The following ADGRL2 variants were observed in gnomAD, a reference collection of about 807,000 sequenced individuals.
ADGRL2 encodes the protein calcium-independent alpha-latrotoxin receptor 2.
ADGRL2 carries 44 observed loss-of-function variants against 157.4 expected under a neutral mutation model. The observed-to-expected ratio is 0.28, with a 90% CI of 0.22 to 0.36. The LOEUF is 0.36. Among genes scored for constraint, ADGRL2 ranks in the 10% least tolerant of loss-of-function variants. The pLI, the probability that ADGRL2 is intolerant of heterozygous loss-of-function variation, is 1.00. For synonymous variants in ADGRL2, 585 were observed against 624.7 expected (o/e 0.94, Z 0.95); for missense variants, 1,510 against 1,768.9 (o/e 0.85, Z 2.63).
At chr1:81,768,236 A>G (rs2086212741) in intron 2 of ADGRL2, among the ~76,000 whole-genome samples, 1 of 151,956 alleles carries the variant, frequency 6.6e-6, no homozygotes, top group Non-Finnish European at 1.5e-5. Context: ...TTGTGTAGAC[A>G]GGGGTCTCAC....
intron 2 of ADGRL2, among the ~76,000 whole-genome samples, chr1:81,905,811 C>A (rs747004336): frequency 6.6e-6 from 1 of 152,074 alleles, no homozygotes; most frequent in Non-Finnish European, 1.5e-5. Flanking sequence ...TTTCACATAG[C>A]TTTTGCCACA....
chr1:81,325,897 T>C (rs576587940), intron 1 of ADGRL2, among the ~76,000 whole-genome samples: 1 of 152,276 alleles, frequency 6.6e-6, no homozygotes. Flanking sequence ...GAAATGGTGA[T>C]GATTTATTCT....
chr1:81,952,071 G>T lies in ADGRL2; in HGVS notation c.1723G>T (p.Asp575Tyr). 1 of 1,613,688 alleles carries T rather than the reference G, an allele frequency of 6.2e-7. No homozygotes were observed. The highest frequency in any genetic ancestry group is 1.1e-5 in the South Asian group (1 of 91,066). Residue 575 changes from aspartate to tyrosine, a missense_variant, in exon 9 of 24, where the codon GAC becomes TAC. Asp to Tyr is a radical substitution (Grantham distance 160). Transcript: ENST00000686636. ...SSVRLMEQLV[D>Y]ILDAQLQELK... is the part of the protein sequence containing the mutation. ...AGTGAGATTGATGGAGCAGTTGGTG[G>T]ACATCCTTGATGCACAGCTGCAGGA...
intron 2 of ADGRL2, among the ~76,000 whole-genome samples, chr1:81,549,880 TA>T (rs1379260998): frequency 6.6e-6 from 1 of 152,196 alleles, no homozygotes; most frequent in African/African-American, 2.4e-5. Flanking sequence ...CCCTGCCTTC[TA>T]TCCCAAGTAG....
At chr1:81,471,280 C>T (rs1373703243) in intron 2 of ADGRL2, among the ~76,000 whole-genome samples, 2 of 152,138 alleles carry the variant, frequency 1.3e-5, no homozygotes, top group African/African-American at 2.4e-5. Context: ...TTTAACATAT[C>T]AATACAAAGA....
intron 2 of ADGRL2, among the ~76,000 whole-genome samples, chr1:81,793,168 G>A (rs1159072057): frequency 6.6e-6 from 1 of 151,802 alleles, no homozygotes; most frequent in African/African-American, 2.4e-5. Context: ...AAATTCAATT[G>A]GTTTATTTTA....
intron 2 of ADGRL2, among the ~76,000 whole-genome samples, chr1:81,881,397 C>T (rs1283830128): frequency 6.6e-6 from 1 of 152,124 alleles, no homozygotes. Flanking sequence ...AGGATGGTCT[C>T]GATCTCCTGA....
At chr1:81,969,922 A>G (rs982960232) in intron 15 of ADGRL2, among the ~76,000 whole-genome samples, 10 of 152,204 alleles carry the variant, frequency 6.6e-5, no homozygotes, top group Non-Finnish European at 4.4e-5. Flanking sequence ...AAAAAAATAG[A>G]AATAATATAT....
intron 2 of ADGRL2, among the ~76,000 whole-genome samples, chr1:81,842,744 T>A (rs12564727): frequency 0.14 from 21,519 of 152,092 alleles, 1,689 homozygotes; most frequent in South Asian, 0.2. Flanking sequence ...CTCTTAGGGA[T>A]AAATGCTCTG....
At chr1:81,757,078 C>T (rs1449240792) in intron 1 of ADGRL2, among the ~76,000 whole-genome samples, 2 of 152,116 alleles carry the variant, frequency 1.3e-5, no homozygotes, top group African/African-American at 4.8e-5. Flanking sequence ...TCACCAGAGA[C>T]TGTGTTGGAG....
chr1:81,392,246 G>A (rs1388428270), intron 1 of ADGRL2, among the ~76,000 whole-genome samples: 1 of 149,896 alleles, frequency 6.7e-6, no homozygotes, highest in Non-Finnish European at 1.5e-5. Flanking sequence ...AAACAAAGAA[G>A]CAACATTTTC....
intron 1 of ADGRL2, among the ~76,000 whole-genome samples, chr1:81,312,872 A>T (rs1333031083): frequency 2.0e-5 from 3 of 152,216 alleles, no homozygotes; most frequent in African/African-American, 7.2e-5. Context: ...ATGTAAACTG[A>T]ATTTACAGAG....
intron 2 of ADGRL2, among the ~76,000 whole-genome samples, chr1:81,843,054 A>C (rs1016558923): frequency 2.0e-5 from 3 of 152,220 alleles, no homozygotes; most frequent in Non-Finnish European, 2.9e-5. Flanking sequence ...TGCCTGCTGC[A>C]TAGCAAATGT....
intron 2 of ADGRL2, among the ~76,000 whole-genome samples, chr1:81,871,213 C>T (rs2093685357): frequency 6.6e-6 from 1 of 151,594 alleles, no homozygotes; most frequent in South Asian, 2.1e-4. Context: ...TGACAGTTTG[C>T]TGAGAATGAT....
intron 2 of ADGRL2, among the ~76,000 whole-genome samples, chr1:81,468,010 T>C (rs557664805): frequency 6.6e-6 from 1 of 152,328 alleles, no homozygotes; most frequent in South Asian, 2.1e-4. Context: ...TTCCTTTCCT[T>C]AGCTATTTAA....
intron 2 of ADGRL2, among the ~76,000 whole-genome samples, chr1:81,887,592 C>A (rs575133628): frequency 6.6e-6 from 1 of 152,136 alleles, no homozygotes; most frequent in Non-Finnish European, 1.5e-5. Context: ...AAGGAAACAC[C>A]GGGCTGCATG....
chr1:81,482,475 GATACTTAA>G (rs71887568), intron 2 of ADGRL2, among the ~76,000 whole-genome samples: 147,485 of 152,042 alleles, frequency 0.97, 71,653 homozygotes, highest in East Asian at 1. Context: ...AATAGCTATT[GATACTTAA>G]ATACTTAATT....
At chr1:81,820,283 T>G (rs1333510968) in intron 1 of ADGRL2, among the ~76,000 whole-genome samples, 2 of 152,168 alleles carry the variant, frequency 1.3e-5, no homozygotes, top group African/African-American at 2.4e-5. Flanking sequence ...ATAGATTCCT[T>G]GCATGGATAT....
At chr1:81,841,360 C>G in intron 2 of ADGRL2, among the ~76,000 whole-genome samples, 1 of 151,926 alleles carries the variant, frequency 6.6e-6, no homozygotes, top group South Asian at 2.1e-4. Flanking sequence ...TTTATAATGA[C>G]TTGAGTTAAT....
Sources: allele counts gnomAD v4.1 joint callset (sites outside exome capture counted in the v4.1 genomes callset), GRCh38; gene constraint gnomAD v4.1.1; transcripts MANE v1.5; gene names NCBI Gene and HGNC (gene_info 2026-07-23, HGNC 2026-07-21).